TRAPPC9: variants seen among roughly 807,000 people sequenced by gnomAD.
TRAPPC9 encodes the protein trafficking protein particle complex subunit 9.
Under a neutral mutation model 124.0 loss-of-function variants are expected in TRAPPC9, and 83 were observed. That is an observed-to-expected ratio of 0.67 (90% CI 0.56 to 0.80). TRAPPC9 has a LOEUF of 0.80. Among genes scored for constraint, TRAPPC9 ranks in the 30% least tolerant of loss-of-function variants. The pLI, the probability that TRAPPC9 is intolerant of heterozygous loss-of-function variation, is 0.00. For synonymous variants in TRAPPC9, 638 were observed against 617.5 expected, an observed-to-expected ratio of 1.03 and a Z score of -0.49; for missense variants, 1,302 against 1,508.3, an observed-to-expected ratio of 0.86 and a Z score of 2.27.
intron 17 of TRAPPC9, among the ~76,000 whole-genome samples, chr8:140,214,399 G>C (rs1470833008): frequency 2.6e-5 from 4 of 152,180 alleles, no homozygotes; most frequent in African/African-American, 9.7e-5. Flanking sequence ...TGTTCCAGAG[G>C]CCCTTACACC....
intron 17 of TRAPPC9, among the ~76,000 whole-genome samples, chr8:140,036,340 G>A (rs979873426): frequency 1.3e-5 from 2 of 152,150 alleles, no homozygotes; most frequent in African/African-American, 2.4e-5. Flanking sequence ...TGATGGGGAC[G>A]TGTTCGGGGG....
At chr8:140,311,143 G>A in intron 10 of TRAPPC9, 105 bp downstream of exon 10, 1 of 1,416,512 alleles carries the variant, frequency 7.1e-7, no homozygotes, top group Middle Eastern at 2.4e-4. Flanking sequence ...CCGATACACA[G>A]CCAACAAAAA....
chr8:140,123,099 T>C (rs1343873698), intron 17 of TRAPPC9, among the ~76,000 whole-genome samples: 1 of 152,098 alleles, frequency 6.6e-6, no homozygotes, highest in Non-Finnish European at 1.5e-5. Context: ...TGCAACCACA[T>C]TTCTTACTTA....
At chr8:139,830,913 T>C (rs1349470254) in intron 21 of TRAPPC9, among the ~76,000 whole-genome samples, 1 of 152,252 alleles carries the variant, frequency 6.6e-6, no homozygotes, top group African/African-American at 2.4e-5. Flanking sequence ...GTCAGGGTTA[T>C]TGAACAGTGA....
intron 8 of TRAPPC9, among the ~76,000 whole-genome samples, chr8:140,362,971 A>C (rs1483686525): frequency 1.3e-5 from 2 of 152,226 alleles, no homozygotes; most frequent in Non-Finnish European, 2.9e-5. Flanking sequence ...ATGTGGCTCA[A>C]AGTGCTCTCC....
chr8:140,221,359 A>T, intron 17 of TRAPPC9, 100 bp downstream of exon 17: 1 of 1,526,382 alleles, frequency 6.6e-7, no homozygotes, highest in African/African-American at 1.4e-5. Flanking sequence ...AAATACACAT[A>T]GCCTTTCCTT....
chr8:140,292,947 A>C (rs1196956730), intron 11 of TRAPPC9, among the ~76,000 whole-genome samples: 1 of 142,294 alleles, frequency 7.0e-6, no homozygotes, highest in Non-Finnish European at 1.5e-5. Flanking sequence ...AATGGGAGAA[A>C]ATTTTCGCAA....
Position 140,000,086 on chromosome 8 carries a change from C to A in TRAPPC9, c.2700-11250G>T, listed in dbSNP as rs537741219. Among the ~76,000 whole-genome samples, 406 of 152,262 alleles carry A rather than the reference C, an allele frequency of 2.7e-3. 2 individuals are homozygous for A. The highest frequency in any genetic ancestry group is 0.014 in the Middle Eastern group (4 of 294). On this transcript the variant is annotated intron_variant, in intron 18 of 22. Transcript: ENST00000438773. ...CCTCAGAAATAACACCAGACATCTA[C>A]AACAACCTGATCTTTGACAAACCTG...
At chr8:140,042,368 C>T (rs922999937) in intron 17 of TRAPPC9, among the ~76,000 whole-genome samples, 1 of 152,142 alleles carries the variant, frequency 6.6e-6, no homozygotes, top group Non-Finnish European at 1.5e-5. Context: ...ATCAAGTCTT[C>T]CAGAGTCTTT....
At position 140,257,954 on chromosome 8, in the gene TRAPPC9, G is replaced by C. The variant is rs2064307860; in HGVS notation, c.2279-5025C>G. On this transcript the variant is annotated intron_variant, in intron 15 of 22. Transcript: ENST00000438773. The surrounding 1 kb of genome is among the most constrained non-coding windows in gnomAD (Gnocchi z 4.6). ...TGGCAAAGTAAGTAGTCATTCTTCA[G>C]ATAAATATTTATTGAGTGTCTCCTG... 1.3e-5 allele frequency among the ~76,000 whole-genome samples: 2 copies of C among 152,200 alleles called. No individual in the cohort carries two copies. Among genetic ancestry groups the C allele is most frequent in the Non-Finnish European group, 2.9e-5 (2 of 68,038 alleles).
At chr8:139,839,022 A>G (rs552452104) in intron 21 of TRAPPC9, among the ~76,000 whole-genome samples, 3 of 152,290 alleles carry the variant, frequency 2.0e-5, no homozygotes, top group East Asian at 3.9e-4. Flanking sequence ...GGAAGGCCCT[A>G]TTTAGAAGAT....
chr8:140,024,538 C>A (rs1304906445), intron 17 of TRAPPC9, among the ~76,000 whole-genome samples: 1 of 152,056 alleles, frequency 6.6e-6, no homozygotes, highest in Non-Finnish European at 1.5e-5. Flanking sequence ...GCTGAGATTA[C>A]AGGTGCACAC....
At chr8:140,308,430 G>C (rs2066197420) in intron 10 of TRAPPC9, among the ~76,000 whole-genome samples, 1 of 151,832 alleles carries the variant, frequency 6.6e-6, no homozygotes, top group Admixed American at 6.6e-5. Flanking sequence ...CTGAATCTCA[G>C]GCAGTTCTTC....
intron 17 of TRAPPC9, among the ~76,000 whole-genome samples, chr8:140,108,842 T>C (rs1563767669): frequency 1.3e-5 from 2 of 152,168 alleles, no homozygotes; most frequent in South Asian, 2.1e-4. Flanking sequence ...CTGTTATGTA[T>C]TTGGGGGATC....
Position 139,885,968 on chromosome 8 carries a change from G to A in TRAPPC9, c.2966C>T (p.Pro989Leu). The change falls in exon 21 of 23, where the codon CCC becomes CTC. Residue 989 changes from proline (P) to leucine (L), a missense_variant and splice_region_variant. By Grantham distance (98) the Pro-to-Leu change is moderately conservative. Transcript: ENST00000438773. ...HSKLGICWRI[P>L]SLKRSGEASV... is the part of the protein sequence containing the mutation. ...CGCCTCGCCACTGCGCTTCAGGGAG[G>A]GGTGAGCCTTGGTCAAGGAAAACGC... The A allele has an allele frequency of 6.4e-7, 1 of 1,563,736 alleles. No individual in the cohort carries two copies. The highest frequency in any genetic ancestry group is 8.7e-7 in the Non-Finnish European group (1 of 1,153,268).
At chr8:140,020,488 G>T (rs1839772157) in intron 18 of TRAPPC9, among the ~76,000 whole-genome samples, 1 of 152,128 alleles carries the variant, frequency 6.6e-6, no homozygotes, top group Admixed American at 6.5e-5. Context: ...TAAACCAGTT[G>T]CGGTCCTCTG....
intron 18 of TRAPPC9, among the ~76,000 whole-genome samples, 163 bp from the exon 19 acceptor site, chr8:139,988,999 C>A (rs1837450471): frequency 6.6e-6 from 1 of 152,204 alleles, no homozygotes; most frequent in Non-Finnish European, 1.5e-5. Flanking sequence ...TGGTTCTGAA[C>A]ACGAGTGTGA....
chr8:140,324,838 A>T (rs182112161), intron 9 of TRAPPC9, among the ~76,000 whole-genome samples: 7 of 152,348 alleles, frequency 4.6e-5, no homozygotes, highest in African/African-American at 1.7e-4. Flanking sequence ...AGGAAGATTT[A>T]AACAAACTAT....
intron 20 of TRAPPC9, among the ~76,000 whole-genome samples, chr8:139,887,041 T>A (rs1269378964): frequency 6.6e-6 from 1 of 151,740 alleles, no homozygotes; most frequent in Non-Finnish European, 1.5e-5. Context: ...AGCGGGCATA[T>A]CCCCCTCATC....
Sources: allele counts gnomAD v4.1 joint callset (sites outside exome capture counted in the v4.1 genomes callset), GRCh38; gene constraint gnomAD v4.1.1; non-coding constraint Gnocchi (gnomAD v3.1); transcripts MANE v1.5; gene names NCBI Gene and HGNC (gene_info 2026-07-23, HGNC 2026-07-21).